CA13: variants seen among roughly 807,000 people sequenced by gnomAD.
CA13 encodes CA-XIII.
CA13 carries 21 observed loss-of-function variants against 31.5 expected under a neutral mutation model. The observed-to-expected ratio is 0.67, with a 90% confidence interval of 0.47 to 0.96. CA13 has a LOEUF of 0.96. Ranked by LOEUF, CA13 falls within the 40% of genes least tolerant of loss-of-function variation. CA13 has a pLI of 0.00. For synonymous variants in CA13, 117 were observed against 111.4 expected (o/e 1.05, Z -0.32); for missense variants, 315 against 318.9 (o/e 0.99, Z 0.09).
At chr8:85,259,634 A>G (rs1807350855) in intron 3 of CA13, 95 bp downstream of exon 3, 2 of 941,758 alleles carry the variant, frequency 2.1e-6, no homozygotes, top group Non-Finnish European at 3.4e-6. Flanking sequence ...ATAGATCCTG[A>G]GCCAATTAGG....
Position 85,245,771 on chromosome 8 carries a change from T to G in CA13, c.-58T>G. 6.3e-7 allele frequency: 1 copy of G among 1,598,240 alleles called. No individual in the cohort carries two copies. The highest frequency in any genetic ancestry group is 1.7e-4 in the Middle Eastern group (1 of 6,042). ...GGCTCCTTCCCGGGCCCCTCCCCGC[T>G]CCCTCCTCTTTCTCGCTGCTCAGTC... On this transcript the variant is annotated 5_prime_UTR_variant, in exon 1 of 7. Transcript: ENST00000321764.
chr8:85,280,807 T>G (rs7846128), intron 6 of CA13, among the ~76,000 whole-genome samples: 4,590 of 152,314 alleles, frequency 0.03, 230 homozygotes, highest in African/African-American at 0.1. Flanking sequence ...TGTATTGGCA[T>G]GCAAAGATGG....
At chr8:85,260,984 G>GC (rs1344454907) in intron 3 of CA13, among the ~76,000 whole-genome samples, 4 of 152,158 alleles carry the variant, frequency 2.6e-5, no homozygotes, top group African/African-American at 9.7e-5. Context: ...CTGCCAGCTG[G>GC]CAAGTAGTTT....
At chr8:85,266,812 G>A in intron 4 of CA13, 109 bp downstream of exon 4, 2 of 727,530 alleles carry the variant, frequency 2.7e-6, no homozygotes, top group Non-Finnish European at 4.5e-6. Flanking sequence ...CATTTTAGGT[G>A]TAGCAGTTTC....
chr8:85,250,960 G>A (rs760700227), intron 2 of CA13, 23 bp downstream of exon 2: 9 of 1,560,970 alleles, frequency 5.8e-6, no homozygotes, highest in East Asian at 2.2e-5. Context: ...TTTTTTGTGT[G>A]TGTGGTGGTG....
chr8:85,280,274 G>A (rs186569688), intron 6 of CA13, among the ~76,000 whole-genome samples: 62 of 152,274 alleles, frequency 4.1e-4, no homozygotes, highest in African/African-American at 1.5e-3. Flanking sequence ...GCAAGACTCT[G>A]TCTCAAAAAA....
At chr8:85,253,369 A>G (rs1479245292) in intron 2 of CA13, among the ~76,000 whole-genome samples, 6 of 151,910 alleles carry the variant, frequency 3.9e-5, no homozygotes, top group East Asian at 1.9e-4. Context: ...GGCTCAAGCA[A>G]TCCTCCTGCC....
At chr8:85,261,290 C>A (rs529653307) in intron 3 of CA13, among the ~76,000 whole-genome samples, 1 of 152,168 alleles carries the variant, frequency 6.6e-6, no homozygotes, top group Admixed American at 6.5e-5. Flanking sequence ...CACATGGAGA[C>A]CTTGGAGACT....
In CA13 at chr8:85,281,510, C is replaced by CTT; in HGVS notation, c.*170_*171dup. Reference sequence around the variant, plus strand: ...CACAAAGAAAACCAGATCTCTCTCTCTTTTTTTTTTATTTTTTTTAGTGAT... The same window carrying CTT: ...CACAAAGAAAACCAGATCTCTCTCTCTTTTTTTTTTTTATTTTTTTTAGTGAT... On this transcript the variant is annotated 3_prime_UTR_variant, in exon 7 of 7. Transcript: ENST00000321764. 11 of 1,243,740 alleles carry CTT rather than the reference C, an allele frequency of 8.8e-6. No individual in the cohort carries two copies. Among genetic ancestry groups the CTT allele is most frequent in the East Asian group, 6.3e-5 (2 of 31,870 alleles). The allele number at this position is 1,243,740 out of a possible 1,614,324, so 77.0% of individuals were successfully genotyped here. A position where few individuals can be genotyped will look rare whatever the true frequency, so the allele number is the denominator to read the frequency against.
intron 6 of CA13, among the ~76,000 whole-genome samples, chr8:85,277,010 C>G (rs1256076482): frequency 6.6e-6 from 1 of 152,128 alleles, no homozygotes; most frequent in Non-Finnish European, 1.5e-5. Flanking sequence ...GTGTCTAGCT[C>G]AGGGATTGTA....
chr8:85,268,981 C>T (rs553180140), intron 6 of CA13, among the ~76,000 whole-genome samples: 1 of 152,158 alleles, frequency 6.6e-6, no homozygotes, highest in South Asian at 2.1e-4. Context: ...GAGATACAAA[C>T]AAAAAAATCA....
intron 1 of CA13, among the ~76,000 whole-genome samples, chr8:85,250,467 A>T (rs1203330459): frequency 6.6e-6 from 1 of 150,500 alleles, no homozygotes; most frequent in Non-Finnish European, 1.5e-5. Context: ...TTACCTTTGG[A>T]GAGTATTTTA....
chr8:85,271,660 A>G (rs1807527930), intron 6 of CA13, among the ~76,000 whole-genome samples: 1 of 152,216 alleles, frequency 6.6e-6, no homozygotes, highest in Admixed American at 6.5e-5. Context: ...CTCCTTTTAA[A>G]GAAAAAAACT....
At position 85,283,581 on chromosome 8, in the gene CA13, C is replaced by G. The variant is rs1430700630; in HGVS notation, c.*2232C>G. ...ACTAATTAATTGTAACTTGTAAAAC[C>G]AAAAGTTCTAATGGTTTTTAAAAAC... On this transcript the variant is annotated 3_prime_UTR_variant, in exon 7 of 7. Coordinates refer to ENST00000321764, the MANE Select transcript of CA13 (RefSeq NM_198584.3). The G allele has an allele frequency of 6.6e-6, 1 of 152,362 alleles. No individual in the cohort carries two copies. Among genetic ancestry groups the G allele is most frequent in the African/African-American group, 2.4e-5 (1 of 41,338 alleles). 9.4% of individuals were successfully genotyped at this position (152,362 alleles called of 1,614,324 possible).
intron 6 of CA13, among the ~76,000 whole-genome samples, chr8:85,276,274 G>C (rs953724113): frequency 6.6e-6 from 1 of 152,176 alleles, no homozygotes; most frequent in East Asian, 1.9e-4. Flanking sequence ...GGCAGGGCTC[G>C]GGACCTGCAG....
chr8:85,279,418 C>T lies in CA13; in HGVS notation c.670-1812C>T, dbSNP rs1807664493. Among the ~76,000 whole-genome samples, 3 of 152,182 alleles carry T rather than the reference C, an allele frequency of 2.0e-5. No homozygotes were observed. The South Asian group carries it at 6.2e-4, about 31-fold the overall frequency. On this transcript the variant is annotated intron_variant, in intron 6 of 6. Transcript: ENST00000321764. The stretch of plus-strand genomic sequence containing the variant: ...ACTGGCAAATACAGGGTCGACCTAG[C>T]TGGGCCAAATGATTGTGAGACCCAG...
chr8:85,254,669 T>C (rs1807256993), intron 2 of CA13, among the ~76,000 whole-genome samples: 1 of 152,094 alleles, frequency 6.6e-6, no homozygotes, highest in Non-Finnish European at 1.5e-5. Flanking sequence ...ATATGGGTCA[T>C]GATTCTTATT....
rs1001789505 is a variant in CA13 at position 85,248,676 on chromosome 8, A to C, written c.38-2064A>C. ...GGCAGGGTACTGAACTGACTATGGT[A>C]GTTAGTAGATAATATTGGGAATGTG... On this transcript the variant is annotated intron_variant, in intron 1 of 6. Coordinates refer to ENST00000321764, the MANE Select transcript of CA13 (RefSeq NM_198584.3). 3.9e-5 allele frequency among the ~76,000 whole-genome samples: 6 copies of C among 152,158 alleles called. No homozygotes were observed. In the East Asian group the frequency reaches 5.8e-4, roughly 15 times the overall value.
At chr8:85,275,090 A>G (rs557796077) in intron 6 of CA13, among the ~76,000 whole-genome samples, 4 of 152,180 alleles carry the variant, frequency 2.6e-5, no homozygotes, top group Non-Finnish European at 5.9e-5. Flanking sequence ...CCCACAGTGC[A>G]CTTAGGCTGG....
Sources: gnomAD v4.1 joint callset for allele counts (sites outside exome capture counted in the v4.1 genomes callset) on GRCh38, gnomAD v4.1.1 for gene constraint, MANE v1.5 for transcripts, NCBI Gene and HGNC (gene_info 2026-07-23, HGNC 2026-07-21) for gene names.